Variants in CPVL observed in about 807,000 individuals in gnomAD.
The protein encoded by CPVL is carboxypeptidase vitellogenic like.
Under a neutral mutation model 63.7 loss-of-function variants are expected in CPVL, and 51 were observed. That is an observed-to-expected ratio of 0.80 (90% CI 0.64 to 1.01). The LOEUF is 1.01. Among genes scored for constraint, CPVL ranks in the 50% least tolerant of loss-of-function variants. The pLI is 0.00. For synonymous variants in CPVL, 195 were observed against 206.0 expected (o/e 0.95, Z 0.46); for missense variants, 530 against 573.1 (o/e 0.92, Z 0.77).
intron 3 of CPVL, among the ~76,000 whole-genome samples, chr7:29,105,157 C>A (rs184175109): frequency 3.2e-4 from 49 of 152,284 alleles, no homozygotes; most frequent in African/African-American, 1.1e-3. Flanking sequence ...TTTAATAAAT[C>A]TGTCCAGTCC....
chr7:29,073,823 T>C (rs1278201712), intron 7 of CPVL, among the ~76,000 whole-genome samples: 2 of 152,236 alleles, frequency 1.3e-5, no homozygotes, highest in Admixed American at 6.5e-5. Context: ...CTATGACTGA[T>C]GCGTATATTT....
intron 9 of CPVL, among the ~76,000 whole-genome samples, chr7:29,067,274 A>G (rs1208304236): frequency 6.6e-6 from 1 of 152,152 alleles, no homozygotes; most frequent in Non-Finnish European, 1.5e-5. Context: ...TCCTGCAGTT[A>G]CCAGGAATTA....
intron 11 of CPVL, among the ~76,000 whole-genome samples, chr7:29,052,345 A>T (rs1790260757): frequency 6.6e-6 from 1 of 151,960 alleles, no homozygotes; most frequent in African/African-American, 2.4e-5. Flanking sequence ...CACACACCCA[A>T]ATTGTGAATA....
intron 3 of CPVL, among the ~76,000 whole-genome samples, chr7:29,096,766 C>G (rs1231717144): frequency 2.0e-5 from 3 of 152,000 alleles, no homozygotes; most frequent in Non-Finnish European, 4.4e-5. Flanking sequence ...GGCAGATCAC[C>G]TGGGGTCAGG....
At chr7:29,171,920 T>C (rs1482006971) in intron 5 of CPVL, among the ~76,000 whole-genome samples, 2 of 152,186 alleles carry the variant, frequency 1.3e-5, no homozygotes, top group Admixed American at 6.5e-5. Context: ...AATTCCCATA[T>C]GTTTGACTTT....
At chr7:29,093,695 T>G (rs1307259049) in intron 5 of CPVL, among the ~76,000 whole-genome samples, 1 of 152,234 alleles carries the variant, frequency 6.6e-6, no homozygotes, top group Non-Finnish European at 1.5e-5. Flanking sequence ...AGGAATGCAC[T>G]CCCTATCTGG....
intron 7 of CPVL, among the ~76,000 whole-genome samples, chr7:29,078,752 G>A (rs993162139): frequency 6.6e-6 from 1 of 152,064 alleles, no homozygotes; most frequent in South Asian, 2.1e-4. Flanking sequence ...CATATGTATC[G>A]ATTTGATTTG....
At chr7:29,134,760 C>T (rs574526890) in intron 1 of CPVL, among the ~76,000 whole-genome samples, 1 of 151,892 alleles carries the variant, frequency 6.6e-6, no homozygotes, top group African/African-American at 2.4e-5. Context: ...AAGATTGGTT[C>T]CAGAAGACCA....
At chr7:29,004,133 A>G (rs1256298518) in intron 12 of CPVL, among the ~76,000 whole-genome samples, 2 of 152,268 alleles carry the variant, frequency 1.3e-5, no homozygotes, top group African/African-American at 4.8e-5. Flanking sequence ...AGATAAAATA[A>G]TCTACTATTA....
intron 11 of CPVL, among the ~76,000 whole-genome samples, chr7:29,057,219 G>C (rs929326166): frequency 3.9e-5 from 6 of 152,040 alleles, no homozygotes; most frequent in South Asian, 2.1e-4. Context: ...GCCTCCTGGA[G>C]TGCTGGGATT....
intron 12 of CPVL, among the ~76,000 whole-genome samples, chr7:29,024,785 C>G (rs567125162): frequency 5.9e-5 from 9 of 152,262 alleles, no homozygotes; most frequent in Non-Finnish European, 8.8e-5. Flanking sequence ...CTTTCCCAGA[C>G]AAGCAAAAAC....
At chr7:29,022,100 C>A (rs779815195) in intron 12 of CPVL, among the ~76,000 whole-genome samples, 1 of 152,160 alleles carries the variant, frequency 6.6e-6, no homozygotes, top group Non-Finnish European at 1.5e-5. Flanking sequence ...ATCCTTACCC[C>A]CCAGCAGCAG....
Position 29,004,896 on chromosome 7 carries a change from C to CTTTTTTTT in CPVL, c.1321-9015_1321-9014insAAAAAAAA, listed in dbSNP as rs555443117. 2.8e-5 allele frequency among the ~76,000 whole-genome samples: 4 copies of CTTTTTTTT among 144,850 alleles called. 1 individual carries two copies. Among genetic ancestry groups the CTTTTTTTT allele is most frequent in the African/African-American group, 2.6e-5 (1 of 39,136 alleles). On this transcript the variant is annotated intron_variant, in intron 12 of 12. Coordinates refer to ENST00000265394, the MANE Select transcript of CPVL (RefSeq NM_031311.5). ...TACAAATATGTCTTTTTTTTCTTTT[C>CTTTTTTTT]TTTTCTTTTTTTTTTTTTGAGACAG... is the stretch of plus-strand genomic sequence containing the variant.
At position 29,114,288 on chromosome 7, in the gene CPVL, G is replaced by A. The variant is rs559768844; in HGVS notation, c.170-1466C>T. 1.1e-4 allele frequency among the ~76,000 whole-genome samples: 16 copies of A among 152,024 alleles called. No homozygotes were observed. The East Asian group carries it at 2.7e-3, about 26-fold the overall frequency. Reference sequence around the variant, plus strand: ...GGCTTTACATGATGTGGGAAGTATAGTTCTCATTCCCACTTTACAGATAAG... The same window carrying A: ...GGCTTTACATGATGTGGGAAGTATAATTCTCATTCCCACTTTACAGATAAG... On this transcript the variant is annotated intron_variant, in intron 2 of 12. Coordinates refer to ENST00000265394, the MANE Select transcript of CPVL (RefSeq NM_031311.5).
intron 4 of CPVL, among the ~76,000 whole-genome samples, chr7:29,183,563 G>A (rs1798335053): frequency 6.6e-6 from 1 of 151,678 alleles, no homozygotes; most frequent in African/African-American, 2.4e-5. Flanking sequence ...TTTTAGTAGA[G>A]ACAGGGTTTC....
At chr7:29,183,039 T>TTA (rs1351608091) in intron 4 of CPVL, among the ~76,000 whole-genome samples, 3 of 151,968 alleles carry the variant, frequency 2.0e-5, no homozygotes, top group Non-Finnish European at 4.4e-5. Context: ...AATCTTCCCA[T>TTA]TATATGAGAC....
At chr7:29,007,604 A>G (rs1785323453) in intron 12 of CPVL, among the ~76,000 whole-genome samples, 1 of 152,210 alleles carries the variant, frequency 6.6e-6, no homozygotes, top group African/African-American at 2.4e-5. Context: ...AATAGTCTTT[A>G]GCTGACATAA....
At chr7:29,154,058 C>T (rs245896) in intron 5 of CPVL, among the ~76,000 whole-genome samples, 136,619 of 152,280 alleles carry the variant, frequency 0.9, 61,567 homozygotes, top group East Asian at 1. Context: ...TTTGACTGCA[C>T]AGGGGGTTGA....
intron 1 of CPVL, chr7:29,122,616 A>G (rs779134456): frequency 2.6e-5 from 4 of 152,208 alleles, no homozygotes; most frequent in Non-Finnish European, 4.4e-5. Context: ...TCACCAGGAA[A>G]GTGAGGACTA....
Sources: gnomAD v4.1 joint callset for allele counts (sites outside exome capture counted in the v4.1 genomes callset) on GRCh38, gnomAD v4.1.1 for gene constraint, MANE v1.5 for transcripts, NCBI Gene and HGNC (gene_info 2026-07-23, HGNC 2026-07-21) for gene names.